The following CSMD3 variants were observed in gnomAD, a reference collection of about 807,000 sequenced individuals.
CSMD3 encodes the protein CUB and sushi domain-containing protein 3.
Under a neutral mutation model 435.2 loss-of-function variants are expected in CSMD3, and 177 were observed. The ratio of observed to expected loss-of-function variants is 0.41; its 90% confidence interval spans 0.36 to 0.46. CSMD3 has a LOEUF of 0.46. Ranked by LOEUF, CSMD3 falls within the 20% of genes least tolerant of loss-of-function variation. The pLI is 0.34. For missense variants in CSMD3, 4,265 were observed against 4,504.6 expected (o/e 0.95, Z 1.52); for synonymous variants, 1,656 against 1,520.5 (o/e 1.09, Z -2.07).
At chr8:112,873,911 TCAGTTCTGCTGTG>T (rs1353325618) in intron 10 of CSMD3, among the ~76,000 whole-genome samples, 19 of 152,160 alleles carry the variant, frequency 1.2e-4, no homozygotes, top group Admixed American at 1.2e-3. Flanking sequence ...TCTATCTCCT[TCAGTTCTGCTGTG>T]ATCTTAGTTA....
At chr8:112,694,141 C>A (rs950548541) in intron 13 of CSMD3, among the ~76,000 whole-genome samples, 1 of 151,344 alleles carries the variant, frequency 6.6e-6, no homozygotes, top group East Asian at 1.9e-4. Context: ...TTTCTTATTG[C>A]TCTTTTAACT....
chr8:112,937,575 T>G (rs2083322790), intron 9 of CSMD3, among the ~76,000 whole-genome samples: 1 of 152,066 alleles, frequency 6.6e-6, no homozygotes, highest in Admixed American at 6.6e-5. Context: ...GGTCTTGAAC[T>G]CCTGACCTCA....
chr8:113,357,055 T>C (rs1427723588), intron 1 of CSMD3, among the ~76,000 whole-genome samples: 1 of 152,174 alleles, frequency 6.6e-6, no homozygotes, highest in Non-Finnish European at 1.5e-5. Flanking sequence ...GAAAAAAATA[T>C]ATATACATAC....
chr8:112,682,573 T>C lies in CSMD3; in HGVS notation c.2546A>G (p.Asn849Ser). Reference protein sequence around the residue: ...IPINARRFGDNFQLGSSISVI... With the variant: ...IPINARRFGDSFQLGSSISVI... The stretch of plus-strand genomic sequence containing the variant: ...TGAAATTGAACTTCCTAATTGAAAG[T>C]TGTCCCCAAACCGCCGTGCATTGAT... Residue 849 changes from asparagine (N) to serine (S), a missense_variant, in exon 16 of 71, where the codon AAC becomes AGC. Coordinates refer to ENST00000297405, the MANE Select transcript of CSMD3 (RefSeq NM_198123.2). 1 of 1,613,850 alleles carries C rather than the reference T, an allele frequency of 6.2e-7. No homozygotes were observed. Among genetic ancestry groups the C allele is most frequent in the South Asian group, 1.1e-5 (1 of 91,084 alleles).
rs141532741 is a variant in CSMD3 at position 112,903,408 on chromosome 8, C to T, written c.1633+18219G>A. 1.6e-3 allele frequency among the ~76,000 whole-genome samples: 240 copies of T among 150,936 alleles called. 1 individual carries two copies. Among genetic ancestry groups the T allele is most frequent in the African/African-American group, 5.6e-3 (232 of 41,228 alleles). On this transcript the variant is annotated intron_variant, in intron 10 of 70. Transcript: ENST00000297405. ...CCTAAAACATTTGAATAAAATGTTC[C>T]GAAAAGAGTATAAGATGACTGGAGA...
chr8:112,455,562 A>G (rs1002774733), intron 32 of CSMD3, among the ~76,000 whole-genome samples: 1 of 151,844 alleles, frequency 6.6e-6, no homozygotes, highest in Admixed American at 6.6e-5. Flanking sequence ...CAAATCTAAA[A>G]TAAGAGTTGA....
intron 47 of CSMD3, among the ~76,000 whole-genome samples, chr8:112,316,053 A>G (rs17637869): frequency 0.027 from 4,093 of 151,908 alleles, 80 homozygotes; most frequent in Non-Finnish European, 0.039. Context: ...AGTAACTAAC[A>G]TAGTGGATTA....
At chr8:112,282,394 T>C (rs1169620704) in intron 58 of CSMD3, among the ~76,000 whole-genome samples, 8 of 152,104 alleles carry the variant, frequency 5.3e-5, no homozygotes, top group African/African-American at 1.7e-4. Flanking sequence ...GCATGATTAC[T>C]TTCTTCTAAA....
chr8:112,961,924 T>C (rs1441883441), intron 7 of CSMD3, among the ~76,000 whole-genome samples: 1 of 151,874 alleles, frequency 6.6e-6, no homozygotes, highest in Non-Finnish European at 1.5e-5. Context: ...ATATGAAAAA[T>C]GTGGGATTTT....
chr8:112,558,805 T>G (rs2131236893), intron 24 of CSMD3, among the ~76,000 whole-genome samples: 1 of 152,026 alleles, frequency 6.6e-6, no homozygotes, highest in South Asian at 2.1e-4. Context: ...ATATGTGAAA[T>G]AATAACTAGC....
In CSMD3 at chr8:112,289,505, T is replaced by C. The variant is rs756354837; in HGVS notation, c.9008A>G (p.Asn3003Ser). 3.7e-6 allele frequency: 6 copies of C among 1,612,776 alleles called. No homozygotes were observed. Among genetic ancestry groups the C allele is most frequent in the South Asian group, 1.1e-5 (1 of 91,048 alleles). The change falls in exon 57 of 71, where the codon AAT becomes AGT. Residue 3003 changes from asparagine to serine, a missense_variant. This residue lies in a region of CSMD3 where 3,255 missense variants were observed against 3,380.2 expected (regional missense o/e 0.96). Transcript: ENST00000297405. ...ATACTTCTCGCCAGACAGGACTGCATTAGGAGGAACGCCAGGGTGTCCACA... is the reference window on the plus strand; with the variant it reads ...ATACTTCTCGCCAGACAGGACTGCACTAGGAGGAACGCCAGGGTGTCCACA... The part of the protein sequence containing the change: ...IDCGHPGVPP[N>S]AVLSGEKYTF...
intron 1 of CSMD3, among the ~76,000 whole-genome samples, chr8:113,350,140 G>C (rs939141249): frequency 2.6e-5 from 4 of 151,996 alleles, no homozygotes; most frequent in African/African-American, 9.7e-5. Context: ...AGTCCAAGCA[G>C]AGGTCATAGA....
In CSMD3 at chr8:113,186,691, G is replaced by A. The variant is rs1349697202; in HGVS notation, c.515-12775C>T. Reference sequence around the variant, plus strand: ...TTCGGGGCACTGCTACACAATTAGAGTGTTCCCTGACATTACTTAGCACAG... The same window carrying A: ...TTCGGGGCACTGCTACACAATTAGAATGTTCCCTGACATTACTTAGCACAG... On this transcript the variant is annotated intron_variant, in intron 3 of 70. Transcript: ENST00000297405. 2.6e-5 allele frequency among the ~76,000 whole-genome samples: 4 copies of A among 152,096 alleles called. No individual in the cohort carries two copies. The South Asian group carries it at 8.3e-4, about 32-fold the overall frequency.
At chr8:112,725,107 C>T (rs1399963674) in intron 13 of CSMD3, among the ~76,000 whole-genome samples, 1 of 151,736 alleles carries the variant, frequency 6.6e-6, no homozygotes, top group South Asian at 2.1e-4. Context: ...CAAAGAGAAG[C>T]AAAAAATATA....
At chr8:112,580,794 CACAA>C (rs1002439602) in intron 23 of CSMD3, among the ~76,000 whole-genome samples, 39 of 151,978 alleles carry the variant, frequency 2.6e-4, no homozygotes, top group African/African-American at 8.7e-4. Flanking sequence ...CAGCTGTTGC[CACAA>C]ACAGATAATG....
intron 13 of CSMD3, among the ~76,000 whole-genome samples, chr8:112,704,826 C>T (rs1488806715): frequency 6.6e-6 from 1 of 152,088 alleles, no homozygotes; most frequent in East Asian, 1.9e-4. Context: ...CCTCATAACA[C>T]TTTGAAACGC....
chr8:113,041,405 T>C (rs1054096453), intron 5 of CSMD3, among the ~76,000 whole-genome samples: 2 of 152,056 alleles, frequency 1.3e-5, no homozygotes, highest in Admixed American at 6.5e-5. Context: ...TGGGATGTCA[T>C]TGTGCTGCCC....
rs563446240 is a variant in CSMD3 at position 112,333,395 on chromosome 8, G to A, written c.7165+1934C>T. On this transcript the variant is annotated intron_variant, in intron 45 of 70. Coordinates refer to ENST00000297405, the MANE Select transcript of CSMD3 (RefSeq NM_198123.2). Reference sequence around the variant, plus strand: ...TGGGTCAGGCTAGTCTCGAACTCCCGACCTCAGGTAATCCACCTGCCTTGG... The same window carrying A: ...TGGGTCAGGCTAGTCTCGAACTCCCAACCTCAGGTAATCCACCTGCCTTGG... Among the ~76,000 whole-genome samples, 7 of 152,124 alleles carry A rather than the reference G, an allele frequency of 4.6e-5. No individual in the cohort carries two copies. In the East Asian group the frequency reaches 5.8e-4, roughly 13 times the overall value.
intron 35 of CSMD3, among the ~76,000 whole-genome samples, chr8:112,401,498 A>G (rs1377683439): frequency 6.6e-6 from 1 of 152,148 alleles, no homozygotes; most frequent in Non-Finnish European, 1.5e-5. Context: ...AGAAAAGCAG[A>G]GCATAAACAT....
Sources: allele counts gnomAD v4.1 joint callset (sites outside exome capture counted in the v4.1 genomes callset), GRCh38; gene constraint gnomAD v4.1.1; regional missense constraint gnomAD v4.1.1; transcripts MANE v1.5; gene names NCBI Gene and HGNC (gene_info 2026-07-23, HGNC 2026-07-21).